Variants in OPCML observed in about 807,000 individuals in gnomAD.
The protein encoded by OPCML is opioid-binding protein/cell adhesion molecule.
Under a neutral mutation model 37.8 loss-of-function variants are expected in OPCML, and 13 were observed. The observed-to-expected ratio is 0.34, with a 90% CI of 0.22 to 0.55. The LOEUF (loss-of-function observed/expected upper bound fraction) is 0.55. OPCML is among the 20% of genes least tolerant of loss of function. The pLI is 0.91. For missense variants in OPCML, 341 were observed against 435.6 expected, an observed-to-expected ratio of 0.78 and a Z score of 1.93; for synonymous variants, 176 against 168.8, an observed-to-expected ratio of 1.04 and a Z score of -0.33.
At chr11:132,737,423 CT>C (rs1461750412) in intron 2 of OPCML, among the ~76,000 whole-genome samples, 1 of 152,046 alleles carries the variant, frequency 6.6e-6, no homozygotes, top group African/African-American at 2.4e-5. Flanking sequence ...TCTATTAGAT[CT>C]TGTATGTGCT....
At chr11:133,082,127 A>AC (rs1948730540) in intron 1 of OPCML, among the ~76,000 whole-genome samples, 1 of 150,996 alleles carries the variant, frequency 6.6e-6, no homozygotes, top group African/African-American at 2.4e-5. Context: ...CGGCTCAGGG[A>AC]CCCCTCCCCA....
At chr11:133,204,479 A>G (rs181682198) in intron 1 of OPCML, among the ~76,000 whole-genome samples, 1 of 152,288 alleles carries the variant, frequency 6.6e-6, no homozygotes, top group African/African-American at 2.4e-5. Context: ...ATATAAGGCT[A>G]CCAAGGAGTG....
chr11:132,666,079 A>G (rs1289912779), intron 2 of OPCML, among the ~76,000 whole-genome samples: 2 of 152,228 alleles, frequency 1.3e-5, no homozygotes, highest in Non-Finnish European at 2.9e-5. Context: ...TATGCAATAC[A>G]CAAAGTCACA....
chr11:132,680,827 C>G (rs952784535), intron 2 of OPCML, among the ~76,000 whole-genome samples: 1 of 152,162 alleles, frequency 6.6e-6, no homozygotes, highest in African/African-American at 2.4e-5. Flanking sequence ...ATGAGACTGA[C>G]AAGCCGCTCC....
At chr11:132,557,499 T>C (rs1248446246) in intron 3 of OPCML, among the ~76,000 whole-genome samples, 1 of 152,218 alleles carries the variant, frequency 6.6e-6, no homozygotes, top group Admixed American at 6.5e-5. Context: ...TGGGCTACCA[T>C]GATATCTTTA....
chr11:133,414,244 T>A (rs985816012), intron 1 of OPCML, among the ~76,000 whole-genome samples: 2 of 152,102 alleles, frequency 1.3e-5, no homozygotes. Flanking sequence ...ATGGAACTTC[T>A]TACCCTAAAA....
intron 1 of OPCML, among the ~76,000 whole-genome samples, chr11:133,213,902 A>C (rs1380829520): frequency 6.6e-6 from 1 of 152,192 alleles, no homozygotes; most frequent in Non-Finnish European, 1.5e-5. Flanking sequence ...GCGTGTCACT[A>C]TAATGTGATA....
chr11:132,428,732 G>A (rs1457457205), intron 7 of OPCML, among the ~76,000 whole-genome samples: 1 of 152,128 alleles, frequency 6.6e-6, no homozygotes, highest in Non-Finnish European at 1.5e-5. Flanking sequence ...TCCTACCTGG[G>A]GGAATTCAGT....
At chr11:132,484,357 AC>A (rs1487369076) in intron 4 of OPCML, among the ~76,000 whole-genome samples, 1 of 152,202 alleles carries the variant, frequency 6.6e-6, no homozygotes, top group Non-Finnish European at 1.5e-5. Flanking sequence ...GCAAATCAAA[AC>A]CACAATGAGA....
chr11:133,310,044 G>C (rs991681756), intron 1 of OPCML, among the ~76,000 whole-genome samples: 3 of 152,190 alleles, frequency 2.0e-5, no homozygotes, highest in Non-Finnish European at 4.4e-5. Context: ...GAAGTAGTCA[G>C]CATCTAGAAA....
intron 1 of OPCML, among the ~76,000 whole-genome samples, chr11:133,424,669 A>G (rs897288240): frequency 1.3e-5 from 2 of 152,174 alleles, no homozygotes; most frequent in African/African-American, 2.4e-5. Flanking sequence ...GCCGTGATAA[A>G]CATCTATGTT....
rs183268364 is a variant in OPCML, at chr11:132,977,026, T to A, written c.62-34016A>T. 2.6e-3 allele frequency among the ~76,000 whole-genome samples: 403 copies of A among 152,324 alleles called. 3 individuals are homozygous for A. Among genetic ancestry groups the A allele is most frequent in the Non-Finnish European group, 3.4e-3 (234 of 68,026 alleles). On this transcript the variant is annotated intron_variant, in intron 1 of 7. Transcript: ENST00000524381. ...GACCCTTGTCCCACATACTTTCCTC[T>A]GCTCCCTGCCTGCACGACACTGGGT...
chr11:133,332,751 T>A (rs1943649837), intron 1 of OPCML, among the ~76,000 whole-genome samples: 1 of 152,196 alleles, frequency 6.6e-6, no homozygotes, highest in South Asian at 2.1e-4. Flanking sequence ...ATCTGATGAA[T>A]CACATTGATT....
At chr11:133,220,268 G>A (rs1016210481) in intron 1 of OPCML, among the ~76,000 whole-genome samples, 2 of 152,142 alleles carry the variant, frequency 1.3e-5, no homozygotes, top group African/African-American at 4.8e-5. Flanking sequence ...TCTGGTCTCT[G>A]AGAGGAAGAG....
chr11:132,483,245 CA>C (rs1335675599), intron 4 of OPCML, among the ~76,000 whole-genome samples: 1 of 149,194 alleles, frequency 6.7e-6, no homozygotes, highest in African/African-American at 2.5e-5. Flanking sequence ...AATCAATGTG[CA>C]AAAATCACAA....
At chr11:133,500,160 G>A (rs1196266004) in intron 1 of OPCML, among the ~76,000 whole-genome samples, 1 of 151,970 alleles carries the variant, frequency 6.6e-6, no homozygotes, top group Non-Finnish European at 1.5e-5. Flanking sequence ...GTGAGCCACC[G>A]CACCTGGCTA....
intron 1 of OPCML, among the ~76,000 whole-genome samples, chr11:133,112,741 TC>T (rs1949276122): frequency 6.6e-6 from 1 of 152,000 alleles, no homozygotes; most frequent in South Asian, 2.1e-4. Flanking sequence ...CCATCACACC[TC>T]CCCCTGCCTT....
chr11:132,863,838 A>G (rs1487244061), intron 2 of OPCML, among the ~76,000 whole-genome samples: 1 of 152,202 alleles, frequency 6.6e-6, no homozygotes, highest in Non-Finnish European at 1.5e-5. Flanking sequence ...TTTGCGTCCA[A>G]TCCTATTTCT....
chr11:133,225,102 C>T (rs924335395), intron 1 of OPCML, among the ~76,000 whole-genome samples: 2 of 152,182 alleles, frequency 1.3e-5, no homozygotes, highest in Non-Finnish European at 2.9e-5. Context: ...GTAATTATGA[C>T]ACAGTAGTAA....
Sources: gnomAD v4.1 joint callset for allele counts (sites outside exome capture counted in the v4.1 genomes callset) on GRCh38, gnomAD v4.1.1 for gene constraint, MANE v1.5 for transcripts, NCBI Gene and HGNC (gene_info 2026-07-23, HGNC 2026-07-21) for gene names.